Variants in ALOX15B observed in about 807,000 individuals in gnomAD.
ALOX15B encodes polyunsaturated fatty acid lipoxygenase ALOX15B.
ALOX15B carries 74 observed loss-of-function variants against 73.8 expected under a neutral mutation model. The observed-to-expected ratio is 1.00, with a 90% confidence interval of 0.83 to 1.22. The LOEUF is 1.22. Ranked by LOEUF, ALOX15B falls within the 50% of genes most tolerant of loss-of-function variation. ALOX15B has a pLI of 0.00. For synonymous variants in ALOX15B, 353 were observed against 357.2 expected, an observed-to-expected ratio of 0.99 and a Z score of 0.13; for missense variants, 896 against 859.9, an observed-to-expected ratio of 1.04 and a Z score of -0.52.
chr17:8,042,506 C>A lies in ALOX15B; in HGVS notation c.572+15C>A. ...GCTGGCTCTGCGTGAGGATGCCCAC[C>A]CTTCCCTGCCCCTGGGCCTCAGATG... is the stretch of plus-strand genomic sequence containing the variant. On this transcript the variant is annotated intron_variant, in intron 4 of 13. Transcript: ENST00000380183. The A allele has an allele frequency of 6.2e-7, 1 of 1,611,794 alleles. No homozygotes were observed. Among genetic ancestry groups the A allele is most frequent in the East Asian group, 2.2e-5 (1 of 44,882 alleles).
rs1012306959 is a variant in ALOX15B at position 8,044,819 on chromosome 17, C to T, written c.677-10C>T. ...AGTGACCCCGTTCCCCTGTCCCCCACCCCCTGCAGAGCACGCATTTGAGCA... is the reference window on the plus strand; with the variant it reads ...AGTGACCCCGTTCCCCTGTCCCCCATCCCCTGCAGAGCACGCATTTGAGCA... On this transcript the variant is annotated splice_polypyrimidine_tract_variant and intron_variant, in intron 5 of 13. Coordinates refer to ENST00000380183, the MANE Select transcript of ALOX15B (RefSeq NM_001141.3). 6.2e-7 allele frequency: 1 copy of T among 1,610,696 alleles called. No individual in the cohort carries two copies.
rs1567969745 is a variant in ALOX15B, at chr17:8,040,655, A to AAAGAAAGAAAGAAAG, written c.449+672_449+673insAAGAAAGAAAGAAAG. Among the ~76,000 whole-genome samples, 4 of 121,966 alleles carry AAAGAAAGAAAGAAAG rather than the reference A, an allele frequency of 3.3e-5. No individual in the cohort carries two copies. In the East Asian group the frequency reaches 1.2e-3, roughly 36 times the overall value. The allele number at this position is 121,966 out of a possible 152,430, so 80.0% of individuals were successfully genotyped here. On this transcript the variant is annotated intron_variant, in intron 3 of 13. Coordinates refer to ENST00000380183, the MANE Select transcript of ALOX15B (RefSeq NM_001141.3). ...AGAAAGAAAGAAAGAAAGAAAGAAA[A>AAAGAAAGAAAGAAAG]GAAAGAGAAAGAAACTGCTTTAAAT...
Position 8,048,062 on chromosome 17 carries a change from C to T in ALOX15B, c.1851+147C>T, listed in dbSNP as rs947417633. ...TCCAGTGGGACACATGAGCCTTGGA[C>T]ATTTCACAGTGAAGGTCAAATGGCC... is the stretch of plus-strand genomic sequence containing the variant. On this transcript the variant is annotated intron_variant, in intron 13 of 13. Transcript: ENST00000380183. 6.9e-5 allele frequency: 70 copies of T among 1,015,666 alleles called. 1 individual carries two copies. The highest frequency in any genetic ancestry group is 9.6e-5 in the Non-Finnish European group (68 of 711,190). 62.9% of individuals were successfully genotyped at this position (1,015,666 alleles called of 1,614,324 possible). A position where few individuals can be genotyped will look rare whatever the true frequency, so the allele number is the denominator to read the frequency against.
rs769869330 is a variant in ALOX15B at position 8,042,790 on chromosome 17, G to A, written c.582G>A (p.Glu194=). The change falls in exon 5 of 14, where the codon GAG becomes GAA. Residue 194 remains glutamate (E), a synonymous_variant. Coordinates refer to ENST00000380183, the MANE Select transcript of ALOX15B (RefSeq NM_001141.3). ...FYLQAGSAFA[E]MKIKGLLDRK... ...TCACATCCCCTGGCAGTTTTGCAGA[G>A]ATGAAAATCAAGGGGTTGCTGGACC... The A allele has an allele frequency of 1.6e-5, 25 of 1,557,618 alleles. No individual in the cohort carries two copies. The South Asian group carries it at 2.8e-4, about 18-fold the overall frequency.
chr17:8,048,140 C>T (rs1258607817), intron 13 of ALOX15B, among the ~76,000 whole-genome samples: 1 of 152,220 alleles, frequency 6.6e-6, no homozygotes, highest in Non-Finnish European at 1.5e-5. Flanking sequence ...TGTAATTATG[C>T]TTCTTGGAAA....
chr17:8,048,315 T>C, intron 13 of ALOX15B, 71 bp from the exon 14 acceptor site: 3 of 1,529,644 alleles, frequency 2.0e-6, no homozygotes, highest in South Asian at 1.2e-5. Context: ...GCTGCTCAGA[T>C]AGTGGGGACC....
In ALOX15B at chr17:8,045,694, G is replaced by T; in HGVS notation, c.1200+8G>T. The T allele has an allele frequency of 1.2e-6, 2 of 1,612,682 alleles. No homozygotes were observed. The highest frequency in any genetic ancestry group is 2.2e-5 in the South Asian group (2 of 90,916). Reference sequence around the variant, plus strand: ...TGCCACCCTCTCTTCAAGGTCAGTGGCTTGACAAGGTGGCCCAGCCTGTGC... The same window carrying T: ...TGCCACCCTCTCTTCAAGGTCAGTGTCTTGACAAGGTGGCCCAGCCTGTGC... On this transcript the variant is annotated splice_region_variant and intron_variant, in intron 8 of 13. Coordinates refer to ENST00000380183, the MANE Select transcript of ALOX15B (RefSeq NM_001141.3).
chr17:8,040,597 G>GAAAGAAAGAA (rs752917454), intron 3 of ALOX15B, among the ~76,000 whole-genome samples: 22 of 59,640 alleles, frequency 3.7e-4, no homozygotes, highest in African/African-American at 1.4e-3. Flanking sequence ...GAGAAAGAAA[G>GAAAGAAAGAA]AGAGAGAAAG....
chr17:8,042,718 G>A, intron 4 of ALOX15B, 63 bp from the exon 5 acceptor site: 1 of 1,464,868 alleles, frequency 6.8e-7, no homozygotes, highest in South Asian at 1.2e-5. Flanking sequence ...CATAAGGCTG[G>A]CTGACAGGGA....
chr17:8,039,508 C>T lies in ALOX15B; in HGVS notation c.270C>T (p.Arg90=), dbSNP rs1209363717. The T allele has an allele frequency of 1.3e-6, 2 of 1,565,366 alleles. No individual in the cohort carries two copies. The highest frequency in any genetic ancestry group is 1.4e-5 in the African/African-American group (1 of 73,502). ...GPLAPDAWFC[R]WFQLTPPRGG... ...TGGCCCCGGATGCCTGGTTCTGCCG[C>T]TGGTTCCAGCTGACACCGCCGCGGG... The change falls in exon 2 of 14, where the codon CGC becomes CGT. Residue 90 remains arginine (R), a synonymous_variant. Transcript: ENST00000380183.
rs751664484 is a variant in ALOX15B, at chr17:8,045,463, C to G, written c.997-20C>G. 5 of 1,613,956 alleles carry G rather than the reference C, an allele frequency of 3.1e-6. No homozygotes were observed. The highest frequency in any genetic ancestry group is 4.2e-6 in the Non-Finnish European group (5 of 1,179,968). On this transcript the variant is annotated intron_variant, in intron 7 of 13. Transcript: ENST00000380183. ...GGAAGACACTCATGGCTGCCTCTCT[C>G]CCCACCTGCCTCCCCCCAGCTCAGC...
chr17:8,040,216 A>G (rs1176339825), intron 3 of ALOX15B, among the ~76,000 whole-genome samples: 1 of 152,216 alleles, frequency 6.6e-6, no homozygotes, highest in Non-Finnish European at 1.5e-5. Context: ...CAAGCCTTCC[A>G]GATGACTCTG....
rs1976682721 is a variant in ALOX15B at position 8,048,717 on chromosome 17, C to T, written c.*152C>T. ...TCTGTAACTCACCCCCACCACCATA[C>T]ACACACACAAAAACAGAAACAAAAT... is the stretch of plus-strand genomic sequence containing the variant. On this transcript the variant is annotated 3_prime_UTR_variant, in exon 14 of 14. Transcript: ENST00000380183. The T allele has an allele frequency of 1.4e-6, 1 of 719,344 alleles. No homozygotes were observed. Among genetic ancestry groups the T allele is most frequent in the African/African-American group, 1.8e-5 (1 of 55,834 alleles). 44.6% of individuals were successfully genotyped at this position (719,344 alleles called of 1,614,324 possible).
chr17:8,039,617 GCCGGGCT>G lies in ALOX15B; in HGVS notation c.367+13_367+19del. 7.3e-6 allele frequency: 8 copies of G among 1,099,348 alleles called. No individual in the cohort carries two copies. Among genetic ancestry groups the G allele is most frequent in the South Asian group, 1.4e-5 (1 of 74,052 alleles). The allele number at this position is 1,099,348 out of a possible 1,614,324, so 68.1% of individuals were successfully genotyped here. A position where few individuals can be genotyped will look rare whatever the true frequency, so the allele number is the denominator to read the frequency against. On this transcript the variant is annotated intron_variant, in intron 2 of 13. Coordinates refer to ENST00000380183, the MANE Select transcript of ALOX15B (RefSeq NM_001141.3). ...GCAGGAGGGTACAGGTGAGGGGCGG[GCCGGGCT>G]GGGGCTGCAGGGGGAGCACAGGAAG...
Position 8,045,353 on chromosome 17 carries a change from G to C in ALOX15B, c.965G>C (p.Gly322Ala). ...APMTLLYQSP[G>A]CGPLLPLAIQ... Reference sequence around the variant, plus strand: ...ATGACCCTGCTATACCAGAGCCCAGGCTGCGGGCCGCTGCTGCCTCTCGCC... The same window carrying C: ...ATGACCCTGCTATACCAGAGCCCAGCCTGCGGGCCGCTGCTGCCTCTCGCC... Residue 322 changes from glycine (G) to alanine (A), a missense_variant, in exon 7 of 14, where the codon GGC becomes GCC. Coordinates refer to ENST00000380183, the MANE Select transcript of ALOX15B (RefSeq NM_001141.3). The C allele has an allele frequency of 6.2e-7, 1 of 1,614,076 alleles. No homozygotes were observed. Among genetic ancestry groups the C allele is most frequent in the South Asian group, 1.1e-5 (1 of 91,076 alleles).
rs765354052 is a variant in ALOX15B at position 8,047,368 on chromosome 17, A to G, written c.1568A>G (p.Gln523Arg). Residue 523 changes from glutamine (Q) to arginine (R), a missense_variant, in exon 11 of 14, where the codon CAG (glutamine) becomes CGG (arginine). By Grantham distance (43) the Gln-to-Arg change is conservative (BLOSUM62 1). Transcript: ENST00000380183. ...REIFSKGFLNQESSGIPSSLE... is the reference protein window; with the variant it reads ...REIFSKGFLNRESSGIPSSLE... ...ATCTTCTCCAAGGGCTTCCTAAACC[A>G]GGAGAGCTCAGGTACAGGGACCTCA... 2.2e-5 allele frequency: 36 copies of G among 1,613,862 alleles called. No homozygotes were observed. The highest frequency in any genetic ancestry group is 2.9e-5 in the Non-Finnish European group (34 of 1,179,970).
At chr17:8,048,050 A>T in intron 13 of ALOX15B, 135 bp downstream of exon 13, 1 of 1,083,648 alleles carries the variant, frequency 9.2e-7, no homozygotes, top group East Asian at 2.6e-5. Flanking sequence ...AGTGGGACAC[A>T]TGAGCCTTGG....
rs759636581 is a variant in ALOX15B, at chr17:8,045,560, C to T, written c.1074C>T (p.Thr358=). The T allele has an allele frequency of 1.9e-6, 3 of 1,614,208 alleles. No individual in the cohort carries two copies. The Admixed American group carries it at 5.0e-5, about 27-fold the overall frequency. Residue 358 remains threonine, a synonymous_variant, in exon 8 of 14, where the codon ACC becomes ACT. Coordinates refer to ENST00000380183, the MANE Select transcript of ALOX15B (RefSeq NM_001141.3). ...DDKWDWLLAK[T]WVRNAEFSFH... is the part of the protein sequence containing the mutation. ...AGTGGGACTGGTTGCTGGCCAAGAC[C>T]TGGGTGCGCAATGCCGAGTTCTCCT...
Position 8,047,273 on chromosome 17 carries a change from C to T in ALOX15B, c.1473C>T (p.Ile491=), listed in dbSNP as rs1009175654. Residue 491 remains isoleucine (I), a synonymous_variant, in exon 11 of 14, where the codon ATC becomes ATT. Coordinates refer to ENST00000380183, the MANE Select transcript of ALOX15B (RefSeq NM_001141.3). ...WGAVERFVSE[I]IGIYYPSDES... is the part of the protein sequence containing the mutation. ...TGCATTGCAGCTTTGTCTCTGAAAT[C>T]ATCGGTATCTACTACCCAAGTGATG... 2 of 1,614,044 alleles carry T rather than the reference C, an allele frequency of 1.2e-6. No homozygotes were observed. The highest frequency in any genetic ancestry group is 1.7e-6 in the Non-Finnish European group (2 of 1,179,978).
Sources: allele counts gnomAD v4.1 joint callset (sites outside exome capture counted in the v4.1 genomes callset), GRCh38; gene constraint gnomAD v4.1.1; transcripts MANE v1.5; gene names NCBI Gene and HGNC (gene_info 2026-07-23, HGNC 2026-07-21).